The following MARCHF8 variants were observed in gnomAD, a reference collection of about 807,000 sequenced individuals.
MARCHF8 encodes E3 ubiquitin-protein ligase MARCHF8.
A neutral mutation model predicts 51.6 loss-of-function variants in MARCHF8; 40 were observed. The ratio of observed to expected loss-of-function variants is 0.77; its 90% CI spans 0.60 to 1.01. The LOEUF is 1.01. Among genes scored for constraint, MARCHF8 ranks in the 50% least tolerant of loss-of-function variants. The pLI, the probability that MARCHF8 is intolerant of heterozygous loss-of-function variation, is 0.00. For synonymous variants in MARCHF8, 263 were observed against 280.3 expected (o/e 0.94, Z 0.62); for missense variants, 685 against 708.6 (o/e 0.97, Z 0.38).
chr10:45,479,715 T>C (rs1237490514), intron 3 of MARCHF8, among the ~76,000 whole-genome samples: 1 of 152,246 alleles, frequency 6.6e-6, no homozygotes, highest in Non-Finnish European at 1.5e-5. Flanking sequence ...TTGTGAGGCC[T>C]CCCCAGCCAT....
At chr10:45,472,219 A>C (rs891546124) in intron 3 of MARCHF8, among the ~76,000 whole-genome samples, 6 of 152,156 alleles carry the variant, frequency 3.9e-5, no homozygotes, top group Non-Finnish European at 8.8e-5. Context: ...CTTTCTGAGG[A>C]GAAAGGGCTT....
Position 45,463,533 on chromosome 10 carries a change from C to A in MARCHF8, c.706G>T (p.Gly236Trp), listed in dbSNP as rs145714792. The A allele has an allele frequency of 1.5e-5, 23 of 1,550,552 alleles. No individual in the cohort carries two copies. Among genetic ancestry groups the A allele is most frequent in the Non-Finnish European group, 1.9e-5 (22 of 1,147,016 alleles). The change falls in exon 5 of 8, where the codon GGG becomes TGG. Residue 236 changes from glycine (G) to tryptophan (W), a missense_variant. Transcript: ENST00000453424. ...STASEVEAGK[G>W]GRPGLLLEEK... ...TCCAGCAGCAGGCCGGGCCTGCCCCCCTTGCCAGCTTCCACCTCTGAGGCA... is the reference window on the plus strand; with the variant it reads ...TCCAGCAGCAGGCCGGGCCTGCCCCACTTGCCAGCTTCCACCTCTGAGGCA...
chr10:45,566,562 T>C (rs2044366981), intron 1 of MARCHF8, among the ~76,000 whole-genome samples: 1 of 152,324 alleles, frequency 6.6e-6, no homozygotes, highest in African/African-American at 2.4e-5. Flanking sequence ...CTTAACATAA[T>C]GATCTCCAGT....
At chr10:45,550,378 G>C (rs1421528332) in intron 1 of MARCHF8, among the ~76,000 whole-genome samples, 7 of 152,182 alleles carry the variant, frequency 4.6e-5, no homozygotes, top group Non-Finnish European at 1.0e-4. Context: ...TAGGCTGACA[G>C]AGGAAGAAAC....
chr10:45,523,658 G>C (rs1391370110), intron 2 of MARCHF8, among the ~76,000 whole-genome samples: 1 of 152,178 alleles, frequency 6.6e-6, no homozygotes, highest in East Asian at 1.9e-4. Flanking sequence ...AGCTATAAGA[G>C]AGTAGTGACA....
upstream of MARCHF8, among the ~76,000 whole-genome samples, chr10:45,536,311 G>GT (rs934861557): frequency 3.3e-5 from 5 of 152,082 alleles, no homozygotes; most frequent in Admixed American, 6.6e-5. Context: ...AAAGAGTACT[G>GT]TTTTCAACAA....
At chr10:45,568,715 CAAAAAAAA>C (rs71023130) in intron 1 of MARCHF8, among the ~76,000 whole-genome samples, 4 of 75,588 alleles carry the variant, frequency 5.3e-5, no homozygotes, top group East Asian at 4.1e-4. Flanking sequence ...GAGACTGTTT[CAAAAAAAA>C]AAAAAAAAAA....
intron 1 of MARCHF8, 143 bp from the exon 2 acceptor site, chr10:45,533,432 T>C (rs565556415): frequency 7.0e-6 from 3 of 427,558 alleles, no homozygotes; most frequent in Admixed American, 4.5e-5. Flanking sequence ...TCAAAAACAA[T>C]AGAAGATGAA....
chr10:45,572,992 C>A (rs2044448880), intron 1 of MARCHF8, among the ~76,000 whole-genome samples: 1 of 152,076 alleles, frequency 6.6e-6, no homozygotes, highest in South Asian at 2.1e-4. Flanking sequence ...CCCCACCTGC[C>A]CAGCAATTTC....
chr10:45,468,207 G>T (rs191378884), intron 3 of MARCHF8, among the ~76,000 whole-genome samples: 1 of 152,080 alleles, frequency 6.6e-6, no homozygotes, highest in Non-Finnish European at 1.5e-5. Context: ...AAGAACATAC[G>T]GGGAAAAAAA....
At chr10:45,501,385 C>G (rs1285643953) in intron 2 of MARCHF8, among the ~76,000 whole-genome samples, 1 of 151,960 alleles carries the variant, frequency 6.6e-6, no homozygotes, top group Non-Finnish European at 1.5e-5. Context: ...ATACAATATG[C>G]CCAACTGATT....
intron 1 of MARCHF8, among the ~76,000 whole-genome samples, chr10:45,533,628 A>C (rs1034153025): frequency 1.3e-5 from 2 of 152,140 alleles, no homozygotes; most frequent in Non-Finnish European, 2.9e-5. Flanking sequence ...TATCATGACC[A>C]AGCATTTGTC....
At chr10:45,536,404 A>G (rs1004582911), upstream of MARCHF8, among the ~76,000 whole-genome samples, 1 of 152,076 alleles carries the variant, frequency 6.6e-6, no homozygotes, top group Non-Finnish European at 1.5e-5. Context: ...GACAAACTAC[A>G]CATCATCAGA....
In MARCHF8 at chr10:45,588,140, T is replaced by C. The variant is rs966598408; in HGVS notation, c.-79+6095A>G. On this transcript the variant is annotated intron_variant, in intron 1 of 6. Coordinates refer to the MARCHF8 transcript ENST00000319836. ...TCAGCTATCCTTACATGCTAATAAA[T>C]ATATTTTTTCATTTTGTCAAAAGTA... 2.7e-5 allele frequency among the ~76,000 whole-genome samples: 4 copies of C among 150,806 alleles called. No homozygotes were observed. The East Asian group carries it at 7.7e-4, about 29-fold the overall frequency.
At chr10:45,560,701 C>T (rs974204640) in intron 1 of MARCHF8, among the ~76,000 whole-genome samples, 4 of 152,166 alleles carry the variant, frequency 2.6e-5, no homozygotes, top group African/African-American at 9.7e-5. Context: ...CCAGGGTCTG[C>T]GGGTCGGACC....
At chr10:45,586,088 C>A (rs1179423789) in intron 1 of MARCHF8, among the ~76,000 whole-genome samples, 2 of 152,040 alleles carry the variant, frequency 1.3e-5, no homozygotes, top group African/African-American at 4.8e-5. Flanking sequence ...ATAAAATGCA[C>A]CCATCTTAAG....
chr10:45,461,270 A>C lies in MARCHF8; in HGVS notation c.1230T>G (p.Tyr410Ter). The C allele has an allele frequency of 6.3e-7, 1 of 1,583,262 alleles. No homozygotes were observed. Among genetic ancestry groups the C allele is most frequent in the Non-Finnish European group, 8.6e-7 (1 of 1,165,678 alleles). Residue 410 changes from tyrosine (Y) to a stop codon, truncating the protein, a stop_gained, in exon 6 of 8, where the codon TAT becomes TAG. Transcript: ENST00000453424. LOFTEE classifies it high-confidence loss of function. ...TCAGCTTGGTCTCCATGATGAACTC[A>C]TACTTGCAGAGCTCGCAGCAGCGCG... ...SDTRCCELCK[Y>*]EFIMETKLKP...
intron 1 of MARCHF8, among the ~76,000 whole-genome samples, chr10:45,567,691 A>G (rs4948678): frequency 0.99 from 150,059 of 152,310 alleles, 73,954 homozygotes; most frequent in East Asian, 1. Context: ...CTGTATCTCC[A>G]TAGTATAATT....
At chr10:45,558,831 A>G (rs564798610) in intron 1 of MARCHF8, among the ~76,000 whole-genome samples, 9 of 152,364 alleles carry the variant, frequency 5.9e-5, no homozygotes, top group Admixed American at 3.9e-4. Flanking sequence ...TAACTGTTTT[A>G]TAATTATGTA....
Sources: gnomAD v4.1 joint callset for allele counts (sites outside exome capture counted in the v4.1 genomes callset) on GRCh38, gnomAD v4.1.1 for gene constraint, MANE v1.5 for transcripts, NCBI Gene and HGNC (gene_info 2026-07-23, HGNC 2026-07-21) for gene names.